Variants in TUBGCP6 observed in about 807,000 individuals in gnomAD.
TUBGCP6 encodes the protein tubulin gamma complex component 6.
TUBGCP6 carries 161 observed loss-of-function variants against 175.8 expected under a neutral mutation model. The ratio of observed to expected loss-of-function variants is 0.92; its 90% confidence interval spans 0.81 to 1.04. TUBGCP6 has a LOEUF of 1.04. Ranked by LOEUF, TUBGCP6 falls within the 50% of genes least tolerant of loss-of-function variation. The pLI is 0.00. For missense variants in TUBGCP6, 2,572 were observed against 2,433.0 expected (o/e 1.06, Z -1.20); for synonymous variants, 1,173 against 1,030.5 (o/e 1.14, Z -2.65).
intron 3 of TUBGCP6, among the ~76,000 whole-genome samples, chr22:50,231,081 CAAAAAAAAAAAA>C (rs35669469): frequency 8.8e-5 from 2 of 22,824 alleles, no homozygotes; most frequent in African/African-American, 1.8e-4. Flanking sequence ...GACTCTATCT[CAAAAAAAAAAAA>C]AAAAAAAAAA....
rs753541215 is a variant in TUBGCP6 at position 50,221,226 on chromosome 22, G to A, written c.3133C>T (p.Pro1045Ser). ...PTGDYASEIA[P>S]TRPRWNTHGH... ...TGGGTGTTCCACCGTGGCCGGGTGG[G>A]AGCTATTTCAGAAGCGTAGTCCCCT... The change falls in exon 16 of 25, where the codon CCC becomes TCC. Residue 1045 changes from proline (P) to serine (S), a missense_variant. Transcript: ENST00000248846. 3.7e-6 allele frequency: 6 copies of A among 1,614,084 alleles called. No homozygotes were observed. The highest frequency in any genetic ancestry group is 4.2e-6 in the Non-Finnish European group (5 of 1,180,056).
rs1473013561 is a variant in TUBGCP6 at position 50,229,360 on chromosome 22, C to A, written c.1290+44G>T. On this transcript the variant is annotated intron_variant, in intron 4 of 24. Transcript: ENST00000248846. Reference sequence around the variant, plus strand: ...ATTCTCTCTTCCAGGTCGTGTGCACCGTTCTCACAAAGGTGTGTGACAACC... The same window carrying A: ...ATTCTCTCTTCCAGGTCGTGTGCACAGTTCTCACAAAGGTGTGTGACAACC... The A allele has an allele frequency of 3.1e-6, 5 of 1,595,452 alleles. No individual in the cohort carries two copies. In the African/African-American group the frequency reaches 6.7e-5, roughly 21 times the overall value.
At position 50,219,722 on chromosome 22, in the gene TUBGCP6, CCT is replaced by C. The variant is rs1569109981; in HGVS notation, c.4235_4236del (p.Gln1412ArgfsTer56). ...CCTGCCAGGTAGGCCTGCTCCCCACCCTGAGCCTCCGCCGCCGATGCCTCCGC... is the reference window on the plus strand; with the variant it reads ...CCTGCCAGGTAGGCCTGCTCCCCACCGAGCCTCCGCCGCCGATGCCTCCGC... ...EEAEASAAEA[Q>X]GGEQAYLAGL... On this transcript the variant is annotated frameshift_variant, in exon 18 of 25. Transcript: ENST00000248846. LOFTEE classifies it high-confidence loss of function. 2.5e-6 allele frequency: 4 copies of C among 1,613,778 alleles called. No homozygotes were observed. The highest frequency in any genetic ancestry group is 2.5e-6 in the Non-Finnish European group (3 of 1,179,998).
At chr22:50,230,298 C>T (rs2064671257) in intron 3 of TUBGCP6, among the ~76,000 whole-genome samples, 1 of 151,438 alleles carries the variant, frequency 6.6e-6, no homozygotes, top group Non-Finnish European at 1.5e-5. Context: ...AGCAAGACCC[C>T]CATCTCTAAA....
rs1038988873 is a variant in TUBGCP6 at position 50,233,869 on chromosome 22, C to G, written c.906-343G>C. On this transcript the variant is annotated intron_variant, in intron 2 of 24. Coordinates refer to ENST00000248846, the MANE Select transcript of TUBGCP6 (RefSeq NM_020461.4). ...GTGGCCCTCAAGATGGTGATTCACT[C>G]ATAAAGTATTCTTCTGTTAGAAACA... is the stretch of plus-strand genomic sequence containing the variant. Among the ~76,000 whole-genome samples, 4 of 152,078 alleles carry G rather than the reference C, an allele frequency of 2.6e-5. No individual in the cohort carries two copies. The East Asian group carries it at 7.7e-4, about 29-fold the overall frequency.
At position 50,221,096 on chromosome 22, in the gene TUBGCP6, A is replaced by G; in HGVS notation, c.3263T>C (p.Ile1088Thr). Residue 1088 changes from isoleucine to threonine, a missense_variant, in exon 16 of 25, where the codon ATC (isoleucine) becomes ACC (threonine). Physicochemically the swap from Ile to Thr is moderately conservative, Grantham distance 89 (BLOSUM62 -1). Transcript: ENST00000248846. ...NTHGHVSNAS[I>T]SLGESVSDVA... ...ATCTGACACAGACTCCCCTAAGCTG[A>G]TGCTGGCATTGGATACGTGTCCGTG... 1.9e-6 allele frequency: 3 copies of G among 1,612,548 alleles called. No individual in the cohort carries two copies. Among genetic ancestry groups the G allele is most frequent in the African/African-American group, 2.7e-5 (2 of 74,436 alleles).
Position 50,221,319 on chromosome 22 carries a change from G to A in TUBGCP6, c.3040C>T (p.Leu1014=). 1 of 1,613,398 alleles carries A rather than the reference G, an allele frequency of 6.2e-7. No homozygotes were observed. Among genetic ancestry groups the A allele is most frequent in the South Asian group, 1.1e-5 (1 of 91,084 alleles). The change falls in exon 16 of 25, where the codon CTG becomes TTG. Residue 1014 remains leucine (L), a synonymous_variant. Transcript: ENST00000248846. ...GTGGGCTGGCTGCTCCCCTCCTCCA[G>A]AGCAGCACGCCTGGGTGGGTGTGAG... ...LPSHPPRRAA[L]EEGSSQPTER...
At position 50,226,943 on chromosome 22, in the gene TUBGCP6, C is replaced by T; in HGVS notation, c.1491+56G>A. 6.3e-6 allele frequency: 10 copies of T among 1,580,572 alleles called. No homozygotes were observed. In the East Asian group the frequency reaches 1.2e-4, roughly 18 times the overall value. On this transcript the variant is annotated intron_variant, in intron 6 of 24. Transcript: ENST00000248846. The stretch of plus-strand genomic sequence containing the variant: ...AGCCCTCCAGGGACACGCTCAGCCA[C>T]CCCCGTTTCCTGGAGCCCACCAGGC...
chr22:50,232,933 G>C (rs938443025), intron 3 of TUBGCP6, among the ~76,000 whole-genome samples: 9 of 152,360 alleles, frequency 5.9e-5, no homozygotes, highest in East Asian at 3.9e-4. Flanking sequence ...ACCGCATCCA[G>C]TGAGAAGAGC....
At chr22:50,228,082 C>A in intron 4 of TUBGCP6, 54 bp from the exon 5 acceptor site, 1 of 1,477,334 alleles carries the variant, frequency 6.8e-7, no homozygotes, top group East Asian at 2.5e-5. Flanking sequence ...CGCAGCCGTG[C>A]CCAGGGCCTG....
At position 50,244,583 on chromosome 22, in the gene TUBGCP6, T is replaced by C. The variant is rs1302426088; in HGVS notation, c.-124A>G. On this transcript the variant is annotated 5_prime_UTR_variant, in exon 1 of 25. Transcript: ENST00000248846. ...GCTGAATGACAGGCGGCCTCTCCAA[T>C]GCCGAAGCTCAGAACTGGTATTTTT... 2.1e-6 allele frequency: 3 copies of C among 1,413,328 alleles called. No homozygotes were observed. Among genetic ancestry groups the C allele is most frequent in the African/African-American group, 2.9e-5 (2 of 68,392 alleles). 87.5% of individuals were successfully genotyped at this position (1,413,328 alleles called of 1,614,324 possible). A position where few individuals can be genotyped will look rare whatever the true frequency, so the allele number is the denominator to read the frequency against.
At chr22:50,229,861 C>T (rs925243346) in intron 3 of TUBGCP6, among the ~76,000 whole-genome samples, 2 of 152,214 alleles carry the variant, frequency 1.3e-5, no homozygotes, top group Non-Finnish European at 2.9e-5. Context: ...CACAGACAGC[C>T]TCCTGGGGCA....
At chr22:50,233,579 A>G (rs1464241996) in intron 2 of TUBGCP6, 53 bp from the exon 3 acceptor site, 1 of 1,515,566 alleles carries the variant, frequency 6.6e-7, no homozygotes, top group Non-Finnish European at 9.0e-7. Context: ...CCTGCACCTC[A>G]GCACCAGGGT....
intron 5 of TUBGCP6, among the ~76,000 whole-genome samples, chr22:50,227,344 C>G (rs1399307954): frequency 6.6e-6 from 1 of 152,116 alleles, no homozygotes; most frequent in East Asian, 1.9e-4. Flanking sequence ...CTGGCCAACA[C>G]ACGAATCACC....
chr22:50,231,431 G>C (rs1453847386), intron 3 of TUBGCP6, among the ~76,000 whole-genome samples: 1 of 151,874 alleles, frequency 6.6e-6, no homozygotes, highest in African/African-American at 2.4e-5. Context: ...TCCAGCCTGG[G>C]CGACAGAGTG....
chr22:50,238,541 T>G (rs1232933108), intron 2 of TUBGCP6, among the ~76,000 whole-genome samples: 11 of 78,472 alleles, frequency 1.4e-4, no homozygotes, highest in Non-Finnish European at 2.3e-4. Flanking sequence ...AGTTTTTTTT[T>G]TTGTTTTTTT....
At chr22:50,220,176 C>A (rs759240453) in intron 16 of TUBGCP6, 75 bp downstream of exon 16, 34 of 1,548,242 alleles carry the variant, frequency 2.2e-5, no homozygotes, top group Non-Finnish European at 2.7e-5. Context: ...TGCCACCAAC[C>A]CCACTGCCCG....
intron 3 of TUBGCP6, among the ~76,000 whole-genome samples, chr22:50,230,705 G>C (rs1182028473): frequency 2.0e-5 from 3 of 151,718 alleles, no homozygotes; most frequent in East Asian, 3.9e-4. Flanking sequence ...TTTGAGCCTA[G>C]GAAGTTGAGG....
Position 50,218,496 on chromosome 22 carries a change from T to C in TUBGCP6, c.4946A>G (p.Lys1649Arg), listed in dbSNP as rs750334667. The C allele has an allele frequency of 1.2e-6, 2 of 1,613,338 alleles. No individual in the cohort carries two copies. The change falls in exon 22 of 25, where the codon AAG becomes AGG. Residue 1649 changes from lysine (K) to arginine (R), a missense_variant. Coordinates refer to ENST00000248846, the MANE Select transcript of TUBGCP6 (RefSeq NM_020461.4). ...WALKDVCFHLKRTALLSHMAG... is the reference protein window; with the variant it reads ...WALKDVCFHLRRTALLSHMAG... ...CTCCAGCGGGGCCTCACCTGTGCGC[T>C]TGAGGTGGAAGCAGACGTCCTTGAG...
Sources: allele counts gnomAD v4.1 joint callset (sites outside exome capture counted in the v4.1 genomes callset), GRCh38; gene constraint gnomAD v4.1.1; transcripts MANE v1.5; gene names NCBI Gene and HGNC (gene_info 2026-07-23, HGNC 2026-07-21).